SPAG16: variants seen among roughly 807,000 people sequenced by gnomAD.
The protein encoded by SPAG16 is sperm associated antigen 16.
Under a neutral mutation model 80.4 loss-of-function variants are expected in SPAG16, and 86 were observed. That is an observed-to-expected ratio of 1.07 (90% CI 0.90 to 1.28). SPAG16 has a LOEUF of 1.28. Among genes scored for constraint, SPAG16 ranks in the 50% most tolerant of loss-of-function variants. The pLI is 0.00. For synonymous variants in SPAG16, 294 were observed against 265.9 expected (o/e 1.11, Z -1.03); for missense variants, 870 against 765.3 (o/e 1.14, Z -1.61).
chr2:214,167,994 C>CTTTTTTTTTTTT (rs202075837), intron 15 of SPAG16, among the ~76,000 whole-genome samples: 1 of 133,060 alleles, frequency 7.5e-6, no homozygotes, highest in African/African-American at 2.8e-5. Flanking sequence ...TTCTTTTTCT[C>CTTTTTTTTTTTT]TTTTTTTTTT....
intron 11 of SPAG16, among the ~76,000 whole-genome samples, chr2:213,878,629 A>T (rs532706885): frequency 1.9e-4 from 29 of 152,110 alleles, no homozygotes; most frequent in Middle Eastern, 3.4e-3. Context: ...TTGATTATTT[A>T]TGTTTCTGTG....
intron 10 of SPAG16, among the ~76,000 whole-genome samples, chr2:213,829,775 A>C (rs2073521400): frequency 6.6e-6 from 1 of 152,140 alleles, no homozygotes. Flanking sequence ...CTTCTGGCCC[A>C]AGATGTATCT....
chr2:214,208,444 T>C (rs1200071951), intron 15 of SPAG16, among the ~76,000 whole-genome samples: 3 of 152,190 alleles, frequency 2.0e-5, no homozygotes, highest in Non-Finnish European at 4.4e-5. Flanking sequence ...TGGCATGAAC[T>C]GTGTAGACAT....
chr2:214,095,447 C>G (rs1314262143), intron 13 of SPAG16, among the ~76,000 whole-genome samples: 2 of 152,064 alleles, frequency 1.3e-5, no homozygotes, highest in Non-Finnish European at 1.5e-5. Context: ...CTGTTGTTGT[C>G]AGGCTTAGCT....
At chr2:213,735,800 C>T (rs2067256136) in intron 10 of SPAG16, among the ~76,000 whole-genome samples, 1 of 152,176 alleles carries the variant, frequency 6.6e-6, no homozygotes, top group Admixed American at 6.5e-5. Flanking sequence ...GCAGTTATTT[C>T]ATAGCATTGT....
At chr2:214,374,540 T>C (rs1267041068) in intron 15 of SPAG16, among the ~76,000 whole-genome samples, 1 of 152,196 alleles carries the variant, frequency 6.6e-6, no homozygotes, top group Non-Finnish European at 1.5e-5. Context: ...CTAAAATATT[T>C]GGTATCATAA....
chr2:213,874,294 C>T (rs955467070), intron 11 of SPAG16, among the ~76,000 whole-genome samples: 1 of 152,062 alleles, frequency 6.6e-6, no homozygotes, highest in Non-Finnish European at 1.5e-5. Context: ...TAACCTTTTA[C>T]TTTATAAACT....
chr2:214,146,019 T>A (rs1389330651), intron 14 of SPAG16, among the ~76,000 whole-genome samples: 1 of 152,156 alleles, frequency 6.6e-6, no homozygotes, highest in Non-Finnish European at 1.5e-5. Flanking sequence ...CTACTACCAA[T>A]GATAACCAGA....
At chr2:213,654,501 C>A (rs1244599921) in intron 10 of SPAG16, among the ~76,000 whole-genome samples, 1 of 135,790 alleles carries the variant, frequency 7.4e-6, no homozygotes, top group Non-Finnish European at 1.5e-5. Context: ...TCGAGACCAA[C>A]CTGGCTAACA....
At position 213,971,297 on chromosome 2, in the gene SPAG16, A is replaced by C. The variant is rs1559643056; in HGVS notation, c.1400+41152A>C. On this transcript the variant is annotated intron_variant, in intron 12 of 15. Transcript: ENST00000331683. Reference sequence around the variant, plus strand: ...CATTAGTGCACAGCTACATAGTGCTAATTACTTTATTTACCTCTACATTGA... The same window carrying C: ...CATTAGTGCACAGCTACATAGTGCTCATTACTTTATTTACCTCTACATTGA... 2.0e-5 allele frequency among the ~76,000 whole-genome samples: 3 copies of C among 152,138 alleles called. No homozygotes were observed. In the South Asian group the frequency reaches 6.2e-4, roughly 32 times the overall value.
At chr2:213,401,850 CTA>C (rs1315005983) in intron 9 of SPAG16, among the ~76,000 whole-genome samples, 1 of 151,916 alleles carries the variant, frequency 6.6e-6, no homozygotes, top group Non-Finnish European at 1.5e-5. Flanking sequence ...TTTGTTTTCA[CTA>C]TGTATTTTTC....
intron 10 of SPAG16, among the ~76,000 whole-genome samples, chr2:213,509,810 C>G: frequency 6.6e-6 from 1 of 152,140 alleles, no homozygotes; most frequent in Non-Finnish European, 1.5e-5. Flanking sequence ...CAAGAAATAA[C>G]TAAAATCAGA....
chr2:214,150,978 C>A (rs1017347860), intron 15 of SPAG16, among the ~76,000 whole-genome samples: 2 of 151,966 alleles, frequency 1.3e-5, no homozygotes, highest in African/African-American at 4.8e-5. Flanking sequence ...GCATAAGAAT[C>A]AGCAGTAGAA....
At chr2:213,707,633 T>G (rs2065815603) in intron 10 of SPAG16, among the ~76,000 whole-genome samples, 1 of 152,012 alleles carries the variant, frequency 6.6e-6, no homozygotes, top group African/African-American at 2.4e-5. Flanking sequence ...TCATTCTGCC[T>G]CATTGCCTAT....
intron 10 of SPAG16, among the ~76,000 whole-genome samples, chr2:213,695,319 A>G (rs560321145): frequency 2.9e-4 from 44 of 152,296 alleles, no homozygotes; most frequent in African/African-American, 1.0e-3. Context: ...ACAAGGTATC[A>G]TGGTTTTAAA....
intron 15 of SPAG16, among the ~76,000 whole-genome samples, chr2:214,168,042 G>A (rs1172351774): frequency 1.4e-5 from 2 of 139,824 alleles, no homozygotes; most frequent in Non-Finnish European, 1.5e-5. Flanking sequence ...CCAGGCTAAA[G>A]TGCAGTGGTG....
intron 15 of SPAG16, among the ~76,000 whole-genome samples, chr2:214,342,319 G>A (rs959073893): frequency 6.6e-6 from 1 of 152,188 alleles, no homozygotes; most frequent in Non-Finnish European, 1.5e-5. Flanking sequence ...GGAGGTGAAA[G>A]GTGGGTGAGC....
chr2:213,824,483 T>C (rs558185011), intron 10 of SPAG16, among the ~76,000 whole-genome samples: 15 of 152,342 alleles, frequency 9.8e-5, no homozygotes, highest in African/African-American at 3.4e-4. Context: ...CCCAGCACTA[T>C]TTATGGAAGA....
At chr2:213,618,830 T>C (rs1299127554) in intron 10 of SPAG16, among the ~76,000 whole-genome samples, 1 of 152,152 alleles carries the variant, frequency 6.6e-6, no homozygotes, top group Non-Finnish European at 1.5e-5. Flanking sequence ...AGTCATTTCC[T>C]TTTTTTAATT....
Sources: allele counts gnomAD v4.1 joint callset (sites outside exome capture counted in the v4.1 genomes callset), GRCh38; gene constraint gnomAD v4.1.1; transcripts MANE v1.5; gene names NCBI Gene and HGNC (gene_info 2026-07-23, HGNC 2026-07-21).